The following PLEKHA8 variants were observed in gnomAD, a reference collection of about 807,000 sequenced individuals.
PLEKHA8 encodes pleckstrin homology domain-containing family A member 8.
In PLEKHA8, 36 loss-of-function variants were observed where a neutral mutation model predicts 68.2. The observed-to-expected ratio is 0.53, with a 90% CI of 0.40 to 0.70. PLEKHA8 has a LOEUF of 0.70. Ranked by LOEUF, PLEKHA8 falls within the 30% of genes least tolerant of loss-of-function variation. The pLI is 0.00. For synonymous variants in PLEKHA8, 211 were observed against 216.1 expected, an observed-to-expected ratio of 0.98 and a Z score of 0.20; for missense variants, 505 against 615.4, an observed-to-expected ratio of 0.82 and a Z score of 1.90.
At chr7:30,102,715 G>A (rs907274161) in intron 13 of PLEKHA8, among the ~76,000 whole-genome samples, 1 of 152,226 alleles carries the variant, frequency 6.6e-6, no homozygotes, top group East Asian at 1.9e-4. Context: ...GAAATATCTA[G>A]AATAGGCAAA....
intron 13 of PLEKHA8, among the ~76,000 whole-genome samples, chr7:30,100,913 G>A (rs908118803): frequency 2.0e-5 from 3 of 152,172 alleles, no homozygotes; most frequent in African/African-American, 7.2e-5. Context: ...ATTGCAGCTG[G>A]GCATGGTGGC....
At chr7:30,106,333 G>A (rs142840969) in intron 13 of PLEKHA8, among the ~76,000 whole-genome samples, 29 of 152,130 alleles carry the variant, frequency 1.9e-4, no homozygotes, top group African/African-American at 4.6e-4. Context: ...AAAAGTGCTC[G>A]GATTATAGAC....
Position 30,045,204 on chromosome 7 carries a change from G to T in PLEKHA8, c.157+3G>T, listed in dbSNP as rs1167662703. Reference sequence around the variant, plus strand: ...AATGGCAGTCTGTGAAATTCAAGGTGAGAAATCAAGCAACTTGCAAGTTTT... The same window carrying T: ...AATGGCAGTCTGTGAAATTCAAGGTTAGAAATCAAGCAACTTGCAAGTTTT... On this transcript the variant is annotated splice_donor_region_variant and intron_variant, in intron 2 of 13. Transcript: ENST00000449726. 4 of 1,579,096 alleles carry T rather than the reference G, an allele frequency of 2.5e-6. No homozygotes were observed. The highest frequency in any genetic ancestry group is 3.4e-6 in the Non-Finnish European group (4 of 1,159,928).
chr7:30,089,278 C>T (rs1273077351), downstream of PLEKHA8, among the ~76,000 whole-genome samples: 1 of 152,140 alleles, frequency 6.6e-6, no homozygotes, highest in Non-Finnish European at 1.5e-5. Flanking sequence ...TGGAAAGAAT[C>T]ACTTATCCAA....
At chr7:30,097,309 A>G (rs1050338723) in intron 13 of PLEKHA8, among the ~76,000 whole-genome samples, 6 of 152,114 alleles carry the variant, frequency 3.9e-5, no homozygotes, top group South Asian at 2.1e-4. Context: ...TGTGTCTTGG[A>G]ATTGCTCTTC....
intron 1 of PLEKHA8, among the ~76,000 whole-genome samples, chr7:30,036,324 A>G (rs1002553507): frequency 1.3e-5 from 2 of 152,090 alleles, no homozygotes; most frequent in African/African-American, 4.8e-5. Flanking sequence ...TCTCAGATAG[A>G]TAGATGGATA....
chr7:30,045,248 C>A, intron 2 of PLEKHA8, 47 bp downstream of exon 2: 1 of 1,463,136 alleles, frequency 6.8e-7, no homozygotes, highest in Non-Finnish European at 9.4e-7. Flanking sequence ...TTCTGTTTTC[C>A]CTCAAAAACA....
chr7:30,099,665 TAC>T (rs1660812322), intron 13 of PLEKHA8, among the ~76,000 whole-genome samples: 1 of 152,232 alleles, frequency 6.6e-6, no homozygotes, highest in Admixed American at 6.5e-5. Context: ...ATGTGGAATA[TAC>T]ACCAAGTTAT....
At chr7:30,056,284 CT>C (rs1792863941) in intron 9 of PLEKHA8, among the ~76,000 whole-genome samples, 1 of 65,630 alleles carries the variant, frequency 1.5e-5, no homozygotes, top group African/African-American at 4.9e-5. Context: ...TATATTCTCT[CT>C]CTCTCTCTCT....
intron 9 of PLEKHA8, among the ~76,000 whole-genome samples, chr7:30,058,074 A>G (rs1021792149): frequency 4.0e-5 from 6 of 151,556 alleles, no homozygotes; most frequent in African/African-American, 1.2e-4. Flanking sequence ...CTTTTTTTTT[A>G]TAATTATTGG....
intron 13 of PLEKHA8, among the ~76,000 whole-genome samples, chr7:30,098,976 G>A (rs34537884): frequency 0.14 from 21,701 of 152,162 alleles, 2,036 homozygotes; most frequent in Non-Finnish European, 0.21. Flanking sequence ...ACCTGGTCTC[G>A]AACTCCTGAC....
intron 1 of PLEKHA8, 127 bp downstream of exon 1, chr7:30,028,929 G>T (rs1265039003): frequency 9.4e-7 from 1 of 1,064,292 alleles, no homozygotes; most frequent in Non-Finnish European, 1.2e-6. Flanking sequence ...CGCGGAGCGG[G>T]AGTATTTCCC....
At chr7:30,057,145 A>G (rs1420437142) in intron 9 of PLEKHA8, among the ~76,000 whole-genome samples, 2 of 151,908 alleles carry the variant, frequency 1.3e-5, no homozygotes, top group African/African-American at 2.4e-5. Context: ...TCTCTAATCC[A>G]TATCCTTATC....
At chr7:30,073,804 A>G (rs1224464503) in intron 12 of PLEKHA8, among the ~76,000 whole-genome samples, 2 of 152,066 alleles carry the variant, frequency 1.3e-5, no homozygotes, top group Non-Finnish European at 2.9e-5. Flanking sequence ...CCTGGGCAAC[A>G]TAGCGAGACC....
At chr7:30,052,148 A>T (rs772086735) in intron 6 of PLEKHA8, among the ~76,000 whole-genome samples, 2 of 152,172 alleles carry the variant, frequency 1.3e-5, no homozygotes, top group African/African-American at 2.4e-5. Context: ...CTATTTCCTG[A>T]TGCTGCTGGG....
At chr7:30,036,403 ATAGAATAG>A in intron 1 of PLEKHA8, among the ~76,000 whole-genome samples, 1 of 143,318 alleles carries the variant, frequency 7.0e-6, no homozygotes, top group African/African-American at 2.6e-5. Flanking sequence ...ATAGGATAGG[ATAGAATAG>A]ATAGATAGAT....
chr7:30,075,899 T>C (rs181884459), intron 13 of PLEKHA8, among the ~76,000 whole-genome samples: 17 of 152,286 alleles, frequency 1.1e-4, no homozygotes, highest in African/African-American at 4.1e-4. Context: ...TTTTTAACTT[T>C]ATTATACTAA....
chr7:30,119,718 C>G (rs1051337707), intron 13 of PLEKHA8, among the ~76,000 whole-genome samples: 1 of 152,212 alleles, frequency 6.6e-6, no homozygotes, highest in Admixed American at 6.5e-5. Context: ...CCGCTTATAC[C>G]TGTTTTAACT....
intron 7 of PLEKHA8, among the ~76,000 whole-genome samples, chr7:30,054,239 A>G (rs973394364): frequency 6.6e-6 from 1 of 152,214 alleles, no homozygotes; most frequent in South Asian, 2.1e-4. Context: ...TCCGGCAACA[A>G]AGTTTTCACC....
Sources: allele counts gnomAD v4.1 joint callset (sites outside exome capture counted in the v4.1 genomes callset), GRCh38; gene constraint gnomAD v4.1.1; transcripts MANE v1.5; gene names NCBI Gene and HGNC (gene_info 2026-07-23, HGNC 2026-07-21).